ARHGAP24: variants seen among roughly 807,000 people sequenced by gnomAD.
The protein encoded by ARHGAP24 is Rho GTPase activating protein 24.
In ARHGAP24, 50 loss-of-function variants were observed where a neutral mutation model predicts 76.4. The ratio of observed to expected loss-of-function variants is 0.65; its 90% CI spans 0.52 to 0.83. ARHGAP24 has a LOEUF of 0.83. ARHGAP24 is among the 40% of genes least tolerant of loss of function. The pLI is 0.00. For missense variants in ARHGAP24, 930 were observed against 914.2 expected, an observed-to-expected ratio of 1.02 and a Z score of -0.22; for synonymous variants, 345 against 323.3, an observed-to-expected ratio of 1.07 and a Z score of -0.72.
In ARHGAP24 at chr4:85,905,385, TG is replaced by T. The variant is rs1242863724; in HGVS notation, c.269-18262del. On this transcript the variant is annotated intron_variant, in intron 3 of 9. Transcript: ENST00000395184. Reference sequence around the variant, plus strand: ...TCTTATACTTTCAGAAAAGACAGTCTGTTTTTTTGGCATGAAAAAAATTGTG... The same window carrying T: ...TCTTATACTTTCAGAAAAGACAGTCTTTTTTTTGGCATGAAAAAAATTGTG... Among the ~76,000 whole-genome samples the T allele has an allele frequency of 8.5e-5, 7 of 81,892 alleles. No individual in the cohort carries two copies. The South Asian group carries it at 3.2e-3, about 37-fold the overall frequency. 53.7% of individuals were successfully genotyped at this position (81,892 alleles called of 152,430 possible).
chr4:86,000,884 C>A lies in ARHGAP24; in HGVS notation c.*162C>A. 9.7e-7 allele frequency: 1 copy of A among 1,035,322 alleles called. No individual in the cohort carries two copies. Among genetic ancestry groups the A allele is most frequent in the Non-Finnish European group, 1.4e-6 (1 of 711,650 alleles). 64.1% of individuals were successfully genotyped at this position (1,035,322 alleles called of 1,614,324 possible). A position where few individuals can be genotyped will look rare whatever the true frequency, so the allele number is the denominator to read the frequency against. On this transcript the variant is annotated 3_prime_UTR_variant, in exon 10 of 10. Transcript: ENST00000395184. The stretch of plus-strand genomic sequence containing the variant: ...TAAACATCCATATCTGCAATGTGTA[C>A]CAAAGTTATATCATGCCCCATAATG...
chr4:85,913,386 T>C (rs1166882437), intron 3 of ARHGAP24, among the ~76,000 whole-genome samples: 1 of 151,854 alleles, frequency 6.6e-6, no homozygotes, highest in African/African-American at 2.4e-5. Context: ...TCTTGTAGTC[T>C]ATATTCACAC....
chr4:85,525,145 T>C (rs962380981), intron 1 of ARHGAP24, among the ~76,000 whole-genome samples: 9 of 152,172 alleles, frequency 5.9e-5, no homozygotes, highest in African/African-American at 1.9e-4. Context: ...AACTGTATCT[T>C]TGATACCAAA....
intron 3 of ARHGAP24, among the ~76,000 whole-genome samples, chr4:85,722,964 G>A (rs1725012787): frequency 6.6e-6 from 1 of 152,208 alleles, no homozygotes; most frequent in Admixed American, 6.5e-5. Context: ...TCTGGCTCAT[G>A]ATGGAATCCA....
intron 2 of ARHGAP24, among the ~76,000 whole-genome samples, chr4:85,586,890 T>C (rs562508398): frequency 6.6e-6 from 1 of 152,128 alleles, no homozygotes; most frequent in East Asian, 1.9e-4. Context: ...AGAGCAAGAC[T>C]CCCTCTCAAA....
intron 3 of ARHGAP24, among the ~76,000 whole-genome samples, chr4:85,781,732 T>G (rs1268741652): frequency 1.3e-5 from 2 of 152,038 alleles, no homozygotes; most frequent in Non-Finnish European, 2.9e-5. Flanking sequence ...TTTGTTAACT[T>G]TGTCTAAAAC....
chr4:85,504,679 C>T (rs570565468), intron 1 of ARHGAP24, among the ~76,000 whole-genome samples: 17 of 152,196 alleles, frequency 1.1e-4, no homozygotes, highest in Admixed American at 7.2e-4. Context: ...ATCCAGTTTG[C>T]CAGTTGGTGT....
intron 8 of ARHGAP24, chr4:85,989,995 A>G: frequency 6.6e-6 from 1 of 151,784 alleles, no homozygotes; most frequent in Admixed American, 6.6e-5. Context: ...TTGGAAAGGA[A>G]TATGTAAAAC....
chr4:85,763,095 C>T (rs114402028), intron 3 of ARHGAP24, among the ~76,000 whole-genome samples: 2,239 of 152,042 alleles, frequency 0.015, 50 homozygotes, highest in African/African-American at 0.051. Context: ...GATATATATC[C>T]ACTGCCTGAT....
chr4:85,730,999 C>T lies in ARHGAP24; in HGVS notation c.268+9027C>T, dbSNP rs879720962. Among the ~76,000 whole-genome samples the T allele has an allele frequency of 3.9e-3, 439 of 113,060 alleles. 2 individuals carry two copies. The highest frequency in any genetic ancestry group is 0.013 in the African/African-American group (425 of 33,026). 74.2% of individuals were successfully genotyped at this position (113,060 alleles called of 152,430 possible). On this transcript the variant is annotated intron_variant, in intron 3 of 9. Coordinates refer to ENST00000395184, the MANE Select transcript of ARHGAP24 (RefSeq NM_001025616.3). ...TTTAATATAACTGCACACACACACA[C>T]ACACACACACACACACACACACACA...
At chr4:85,557,798 A>G (rs1425315765) in intron 1 of ARHGAP24, among the ~76,000 whole-genome samples, 4 of 152,182 alleles carry the variant, frequency 2.6e-5, no homozygotes, top group East Asian at 1.9e-4. Flanking sequence ...GGATCTCCCA[A>G]TTCCTCTGGT....
At chr4:85,501,479 T>G (rs145183504) in intron 1 of ARHGAP24, among the ~76,000 whole-genome samples, 8,742 of 152,340 alleles carry the variant, frequency 0.057, 262 homozygotes, top group Middle Eastern at 0.078. Flanking sequence ...TGGCCAGTGA[T>G]GATGAGCATT....
At chr4:85,674,341 C>G (rs78566597) in intron 2 of ARHGAP24, among the ~76,000 whole-genome samples, 116 of 152,340 alleles carry the variant, frequency 7.6e-4, no homozygotes, top group African/African-American at 2.8e-3. Context: ...GAACAGTTCT[C>G]TAACTCTCAA....
chr4:85,709,143 G>T (rs72974950), intron 2 of ARHGAP24, among the ~76,000 whole-genome samples: 2,053 of 152,116 alleles, frequency 0.013, 48 homozygotes, highest in African/African-American at 0.045. Flanking sequence ...GCATTCTAGG[G>T]CTACAATCCC....
In ARHGAP24 at chr4:85,854,743, C is replaced by T. The variant is rs570513087; in HGVS notation, c.269-68905C>T. On this transcript the variant is annotated intron_variant, in intron 3 of 9. Coordinates refer to ENST00000395184, the MANE Select transcript of ARHGAP24 (RefSeq NM_001025616.3). ...AGAGTGAGTTCAGACATCCTGTGTGCCCTTAATCCCTGGAATACTGCCACT... is the reference window on the plus strand; with the variant it reads ...AGAGTGAGTTCAGACATCCTGTGTGTCCTTAATCCCTGGAATACTGCCACT... 2.6e-5 allele frequency among the ~76,000 whole-genome samples: 4 copies of T among 152,256 alleles called. No homozygotes were observed. In the South Asian group the frequency reaches 8.3e-4, roughly 32 times the overall value.
chr4:85,555,230 G>A (rs971426), intron 1 of ARHGAP24, among the ~76,000 whole-genome samples: 125,414 of 152,140 alleles, frequency 0.82, 54,100 homozygotes, highest in East Asian at 0.98. Context: ...TCTTGTGCTG[G>A]TTCTTTCTCA....
chr4:85,478,066 C>T (rs1722671621), intron 1 of ARHGAP24, among the ~76,000 whole-genome samples: 1 of 152,068 alleles, frequency 6.6e-6, no homozygotes, highest in Non-Finnish European at 1.5e-5. Context: ...GTCTGGAGCC[C>T]AGTAACAAGG....
At chr4:85,518,871 G>A (rs535479745) in intron 1 of ARHGAP24, among the ~76,000 whole-genome samples, 2 of 152,124 alleles carry the variant, frequency 1.3e-5, no homozygotes, top group Admixed American at 1.3e-4. Flanking sequence ...TTTTCCTCTG[G>A]GTAGATACCT....
chr4:85,595,676 G>C (rs1291626588), intron 2 of ARHGAP24, among the ~76,000 whole-genome samples: 2 of 152,142 alleles, frequency 1.3e-5, no homozygotes, highest in East Asian at 3.9e-4. Context: ...AGATAAGAAG[G>C]GGGAAAATGA....
Sources: allele counts gnomAD v4.1 joint callset (sites outside exome capture counted in the v4.1 genomes callset), GRCh38; gene constraint gnomAD v4.1.1; transcripts MANE v1.5; gene names NCBI Gene and HGNC (gene_info 2026-07-23, HGNC 2026-07-21).